DPF1: variants seen among roughly 807,000 people sequenced by gnomAD.
DPF1 encodes the protein double PHD fingers 1.
A neutral mutation model predicts 58.7 loss-of-function variants in DPF1; 14 were observed. The observed-to-expected ratio is 0.24, with a 90% confidence interval of 0.16 to 0.37. The LOEUF is 0.37. Among genes scored for constraint, DPF1 ranks in the 10% least tolerant of loss-of-function variants. The pLI, the probability that DPF1 is intolerant of heterozygous loss-of-function variation, is 1.00. For synonymous variants in DPF1, 216 were observed against 216.0 expected, an observed-to-expected ratio of 1.00 and a Z score of 0.00; for missense variants, 345 against 529.9, an observed-to-expected ratio of 0.65 and a Z score of 3.43.
chr19:38,215,916 T>G (rs897429046), intron 9 of DPF1, among the ~76,000 whole-genome samples: 1 of 152,152 alleles, frequency 6.6e-6, no homozygotes, highest in Non-Finnish European at 1.5e-5. Flanking sequence ...CTACCCACAG[T>G]GCCATGAGAG....
At chr19:38,228,662 G>C (rs8101485), upstream of DPF1, 86,710 of 151,792 alleles carry the variant, frequency 0.57, 25,295 homozygotes, top group African/African-American at 0.68. Context: ...GCGCTGGGAC[G>C]TGGAGTCCGG....
At chr19:38,212,182 C>T (rs1195282605) in intron 11 of DPF1, 49 bp from the exon 12 acceptor site, 1 of 1,580,938 alleles carries the variant, frequency 6.3e-7, no homozygotes, top group Non-Finnish European at 8.6e-7. Context: ...GGGAGGGCTG[C>T]CCCAGCCCCT....
Position 38,216,336 on chromosome 19 carries a change from G to A in DPF1, c.778+17C>T, listed in dbSNP as rs756903761. On this transcript the variant is annotated intron_variant, in intron 8 of 11. Coordinates refer to ENST00000355526, the MANE Select transcript of DPF1 (RefSeq NM_001135155.3). The stretch of plus-strand genomic sequence containing the variant: ...AAGGTGGCTGCAGACTTTAGGAGCA[G>A]AAGGAGGCATCCGTACCTGTGTGTT... 6.2e-7 allele frequency: 1 copy of A among 1,605,040 alleles called. No homozygotes were observed. Among genetic ancestry groups the A allele is most frequent in the South Asian group, 1.1e-5 (1 of 89,966 alleles).
At chr19:38,224,242 C>A, upstream of DPF1, 2 of 1,270,642 alleles carry the variant, frequency 1.6e-6, no homozygotes, top group South Asian at 3.0e-5. This position sits in a 1 kb window ranked among gnomAD's most constrained non-coding sequence, Gnocchi z 4.5. Context: ...TCCCGGGGGG[C>A]GGGAGCACGA....
At chr19:38,225,753 G>A (rs1967791071), upstream of DPF1, among the ~76,000 whole-genome samples, 1 of 151,640 alleles carries the variant, frequency 6.6e-6, no homozygotes. Flanking sequence ...GCTGGGCATG[G>A]TGGCACATGC....
chr19:38,229,478 C>T lies in DPF1; in HGVS notation c.-132+81G>A, dbSNP rs932150134. On this transcript the variant is annotated intron_variant, in intron 1 of 11. Transcript: ENST00000412732. The surrounding 1 kb of genome is among the most constrained non-coding windows in gnomAD (Gnocchi z 5.3). The stretch of plus-strand genomic sequence containing the variant: ...ACTACGGTCCGCGCGCTGCGTCCCC[C>T]TCCTCAGCCCCAGGGCGGGCGGGGG... 3 of 853,522 alleles carry T rather than the reference C, an allele frequency of 3.5e-6. No individual in the cohort carries two copies. The African/African-American group carries it at 5.4e-5, about 15-fold the overall frequency. 52.9% of individuals were successfully genotyped at this position (853,522 alleles called of 1,614,324 possible). A position where few individuals can be genotyped will look rare whatever the true frequency, so the allele number is the denominator to read the frequency against.
chr19:38,212,237 T>TGGGGGGGGCCC, intron 11 of DPF1, 43 bp downstream of exon 11: 2 of 1,256,814 alleles, frequency 1.6e-6, no homozygotes, highest in Non-Finnish European at 2.2e-6. Context: ...GGAGATGGCG[T>TGGGGGGGGCCC]TCCCACCCAC....
In DPF1 at chr19:38,219,052, TCA is replaced by T; in HGVS notation, c.303_304del (p.Cys101Ter). The T allele has an allele frequency of 6.2e-7, 1 of 1,613,908 alleles. No individual in the cohort carries two copies. The highest frequency in any genetic ancestry group is 8.5e-7 in the Non-Finnish European group (1 of 1,179,996). On this transcript the variant is annotated stop_gained and frameshift_variant, in exon 4 of 12. Coordinates refer to ENST00000355526, the MANE Select transcript of DPF1 (RefSeq NM_001135155.3). LOFTEE classifies it high-confidence loss of function. Reference sequence around the variant, plus strand: ...GCCACCCTCCTTCTTCAGGGGTGCTTCACAGTCTGGGGACAGGGCCATGGGGG... The same window carrying T: ...GCCACCCTCCTTCTTCAGGGGTGCTTCAGTCTGGGGACAGGGCCATGGGGG...
upstream of DPF1, among the ~76,000 whole-genome samples, chr19:38,225,220 G>T (rs1167934180): frequency 1.3e-5 from 2 of 151,998 alleles, no homozygotes; most frequent in Non-Finnish European, 2.9e-5. Context: ...CTCCAGCCTG[G>T]GCAACAAGAG....
chr19:38,217,505 C>A lies in DPF1; in HGVS notation c.682G>T (p.Ala228Ser). The A allele has an allele frequency of 6.4e-7, 1 of 1,551,226 alleles. No homozygotes were observed. Among genetic ancestry groups the A allele is most frequent in the Non-Finnish European group, 8.7e-7 (1 of 1,146,860 alleles). Reference sequence around the variant, plus strand: ...TGGAAGGGCAGGGCGTGGCGTTCGGCGTTCTCCTCCCCCTCCTCCTCGGCC... The same window carrying A: ...TGGAAGGGCAGGGCGTGGCGTTCGGAGTTCTCCTCCCCCTCCTCCTCGGCC... ...HLAEEEGEEN[A>S]ERHALPFHRK... The change falls in exon 7 of 12, where the codon GCC becomes TCC. Residue 228 changes from alanine (A) to serine (S), a missense_variant. By Grantham distance (99) the Ala-to-Ser change is moderately conservative. Transcript: ENST00000355526.
At chr19:38,215,509 CAA>C (rs1966952482) in intron 9 of DPF1, among the ~76,000 whole-genome samples, 4 of 151,888 alleles carry the variant, frequency 2.6e-5, no homozygotes, top group Admixed American at 2.6e-4. Flanking sequence ...CAAAACAAAA[CAA>C]AACAAAACAA....
At chr19:38,227,037 T>TTCCTTCCTTCCTTCCTTC (rs1568325406), upstream of DPF1, among the ~76,000 whole-genome samples, 1 of 121,920 alleles carries the variant, frequency 8.2e-6, no homozygotes, top group South Asian at 2.6e-4. Flanking sequence ...TTCCTTCCTT[T>TTCCTTCCTTCCTTCCTTC]CTTTCTTTCT....
chr19:38,213,993 C>A, intron 9 of DPF1: 1 of 529,682 alleles, frequency 1.9e-6, no homozygotes, highest in South Asian at 2.5e-5. Flanking sequence ...CCCCAGAACG[C>A]CATGGCAACC....
chr19:38,215,624 G>A (rs569074877), intron 9 of DPF1, among the ~76,000 whole-genome samples: 35 of 152,252 alleles, frequency 2.3e-4, no homozygotes, highest in African/African-American at 7.9e-4. Flanking sequence ...TATATAGATG[G>A]GATCTCACTA....
rs985820123 is a variant in DPF1 at position 38,212,154 on chromosome 19, G to T, written c.1094-21C>A. The T allele has an allele frequency of 3.1e-6, 5 of 1,605,358 alleles. No homozygotes were observed. In the African/African-American group the frequency reaches 6.7e-5, roughly 21 times the overall value. The stretch of plus-strand genomic sequence containing the variant: ...GCTCCCTGCGGGGGCAGCCGAAGCT[G>T]AAGTCAGGCCCGGGTCCGGGAGGGC... On this transcript the variant is annotated intron_variant, in intron 11 of 11. Coordinates refer to ENST00000355526, the MANE Select transcript of DPF1 (RefSeq NM_001135155.3).
chr19:38,212,023 A>AGGCGAGCACCACCCCAGAGTCGC lies in DPF1; in HGVS notation c.*17_*39dup. The AGGCGAGCACCACCCCAGAGTCGC allele has an allele frequency of 6.3e-7, 1 of 1,591,536 alleles. No individual in the cohort carries two copies. The highest frequency in any genetic ancestry group is 8.6e-7 in the Non-Finnish European group (1 of 1,169,430). Reference sequence around the variant, plus strand: ...AATTGAGGAGCTCGGAGAGGCAGGTAGGCGAGCACCACCCCAGAGTCGCGG... The same window carrying AGGCGAGCACCACCCCAGAGTCGC: ...AATTGAGGAGCTCGGAGAGGCAGGTAGGCGAGCACCACCCCAGAGTCGCGGCGAGCACCACCCCAGAGTCGCGG... On this transcript the variant is annotated 3_prime_UTR_variant, in exon 12 of 12. Transcript: ENST00000355526.
chr19:38,214,002 C>T, intron 9 of DPF1: 1 of 524,952 alleles, frequency 1.9e-6, no homozygotes. Context: ...GCCATGGCAA[C>T]CGCATTCCAT....
At chr19:38,217,738 G>C (rs759782498) in intron 6 of DPF1, 60 bp downstream of exon 6, 1 of 1,607,434 alleles carries the variant, frequency 6.2e-7, no homozygotes, top group Non-Finnish European at 8.5e-7. Context: ...AGAGGGCCAC[G>C]AGGTGGGGAG....
intron 9 of DPF1, 53 bp from the exon 10 acceptor site, chr19:38,213,809 G>T (rs1395031484): frequency 4.1e-6 from 6 of 1,465,446 alleles, no homozygotes; most frequent in Non-Finnish European, 5.7e-6. Flanking sequence ...CCCCTGGTGG[G>T]CACTGACCGG....
Sources: allele counts gnomAD v4.1 joint callset (sites outside exome capture counted in the v4.1 genomes callset), GRCh38; gene constraint gnomAD v4.1.1; non-coding constraint Gnocchi (gnomAD v3.1); transcripts MANE v1.5; gene names NCBI Gene and HGNC (gene_info 2026-07-23, HGNC 2026-07-21).